MS4A12: variants seen among roughly 807,000 people sequenced by gnomAD.
MS4A12 encodes membrane-spanning 4-domains subfamily A member 12.
A neutral mutation model predicts 23.7 loss-of-function variants in MS4A12; 28 were observed. The ratio of observed to expected loss-of-function variants is 1.18; its 90% CI spans 0.88 to 1.62. MS4A12 has a LOEUF of 1.62. Among genes scored for constraint, MS4A12 ranks in the 40% most tolerant of loss-of-function variants. The pLI is 0.00. For synonymous variants in MS4A12, 108 were observed against 110.1 expected, an observed-to-expected ratio of 0.98 and a Z score of 0.12; for missense variants, 342 against 327.0, an observed-to-expected ratio of 1.05 and a Z score of -0.35.
chr11:60,495,840 G>A (rs1027564685), intron 1 of MS4A12, among the ~76,000 whole-genome samples: 2 of 152,096 alleles, frequency 1.3e-5, no homozygotes, highest in Admixed American at 6.5e-5. Flanking sequence ...AAGTTAATCC[G>A]GTTTATAAAC....
intron 4 of MS4A12, among the ~76,000 whole-genome samples, chr11:60,502,764 T>A (rs1183742764): frequency 6.6e-6 from 1 of 152,138 alleles, no homozygotes; most frequent in Non-Finnish European, 1.5e-5. Context: ...CTCATGCTCT[T>A]GCAGACAAAA....
intron 1 of MS4A12, among the ~76,000 whole-genome samples, chr11:60,495,350 T>C (rs766569614): frequency 2.6e-5 from 4 of 151,302 alleles, no homozygotes; most frequent in African/African-American, 4.9e-5. Flanking sequence ...TTCATTGAGT[T>C]TTCAACCATT....
chr11:60,496,931 C>T (rs1380598748), intron 1 of MS4A12, among the ~76,000 whole-genome samples: 4 of 152,132 alleles, frequency 2.6e-5, no homozygotes, highest in Non-Finnish European at 5.9e-5. Context: ...ACTATTCCAC[C>T]TCAGGTCATC....
intron 5 of MS4A12, among the ~76,000 whole-genome samples, chr11:60,506,023 C>G (rs969852213): frequency 5.9e-5 from 9 of 152,290 alleles, no homozygotes; most frequent in African/African-American, 1.7e-4. Flanking sequence ...CCTGCAACAG[C>G]TATATATGTT....
chr11:60,495,962 T>G lies in MS4A12; in HGVS notation c.-6-1351T>G, dbSNP rs144288651. On this transcript the variant is annotated intron_variant, in intron 1 of 6. Coordinates refer to ENST00000016913, the MANE Select transcript of MS4A12 (RefSeq NM_017716.3). ...GAAAACAAGCTGCAAATGTCCAGAG[T>G]GATGCTGCATGGAGGGGGATTCTGA... 2.4e-3 allele frequency among the ~76,000 whole-genome samples: 364 copies of G among 152,144 alleles called. 2 individuals are homozygous for G. The highest frequency in any genetic ancestry group is 8.6e-3 in the African/African-American group (356 of 41,494).
rs1258317633 is a variant in MS4A12, at chr11:60,501,074, C to T, written c.306C>T (p.His102=). The change falls in exon 3 of 7, where the codon CAC becomes CAT. Residue 102 remains histidine, a synonymous_variant. Coordinates refer to ENST00000016913, the MANE Select transcript of MS4A12 (RefSeq NM_017716.3). ...TCCAGATCATGGTTGGATTGATGCA[C>T]ATTGGTTTTGGAATTGTTTTGTGTT... ...GVIQIMVGLM[H]IGFGIVLCLI... is the part of the protein sequence containing the mutation. The T allele has an allele frequency of 5.0e-6, 8 of 1,610,998 alleles. No homozygotes were observed. The highest frequency in any genetic ancestry group is 4.4e-5 in the South Asian group (4 of 90,396).
At chr11:60,499,753 G>T (rs978663428) in intron 2 of MS4A12, among the ~76,000 whole-genome samples, 8 of 152,118 alleles carry the variant, frequency 5.3e-5, no homozygotes, top group Non-Finnish European at 1.2e-4. Context: ...AGTCTCCCTG[G>T]ATAGATAAGA....
chr11:60,501,841 A>G, intron 3 of MS4A12, 142 bp from the exon 4 acceptor site: 2 of 703,122 alleles, frequency 2.8e-6, no homozygotes, highest in Non-Finnish European at 5.0e-6. Context: ...ACTGAGAGTT[A>G]CTCCAGAAAA....
chr11:60,500,133 C>T (rs969731832), intron 2 of MS4A12, among the ~76,000 whole-genome samples: 1 of 150,688 alleles, frequency 6.6e-6, no homozygotes. Flanking sequence ...CCTAGCTACT[C>T]GGGAGGGTGA....
intron 5 of MS4A12, 137 bp from the exon 6 acceptor site, chr11:60,506,591 A>T: frequency 1.6e-6 from 1 of 632,902 alleles, no homozygotes; most frequent in Non-Finnish European, 2.8e-6. Context: ...TGGAACAAGC[A>T]TTTGATGATA....
intron 1 of MS4A12, among the ~76,000 whole-genome samples, chr11:60,496,970 A>G (rs1007584645): frequency 1.3e-5 from 2 of 152,342 alleles, no homozygotes; most frequent in Non-Finnish European, 2.9e-5. Flanking sequence ...AGGAGCATGC[A>G]ACCTAGATCC....
intron 2 of MS4A12, chr11:60,497,836 A>T: frequency 2.1e-6 from 1 of 473,104 alleles, no homozygotes; most frequent in Non-Finnish European, 3.7e-6. Flanking sequence ...TATTGACGTG[A>T]CAGAAGCACT....
intron 2 of MS4A12, among the ~76,000 whole-genome samples, chr11:60,500,366 T>G (rs544475314): frequency 3.7e-4 from 56 of 152,016 alleles, no homozygotes; most frequent in Non-Finnish European, 6.3e-4. Flanking sequence ...ATTAATTTGG[T>G]GTAATCAAGA....
intron 2 of MS4A12, among the ~76,000 whole-genome samples, chr11:60,498,387 G>A (rs1271755064): frequency 2.0e-5 from 3 of 152,190 alleles, no homozygotes; most frequent in Admixed American, 2.0e-4. Flanking sequence ...AAGTTGTGAT[G>A]TTTTAGGGAA....
intron 2 of MS4A12, among the ~76,000 whole-genome samples, chr11:60,498,784 T>C (rs1025493832): frequency 1.2e-4 from 18 of 152,258 alleles, no homozygotes; most frequent in Middle Eastern, 6.8e-3. Context: ...AACATGACAT[T>C]TGAGCAAAAA....
intron 1 of MS4A12, 65 bp downstream of exon 1, chr11:60,492,893 T>A (rs536841760): frequency 6.6e-6 from 1 of 152,190 alleles, no homozygotes; most frequent in Non-Finnish European, 1.5e-5. Flanking sequence ...CTGTGGCTGG[T>A]CTACCTGTGT....
At position 60,506,743 on chromosome 11, in the gene MS4A12, A is replaced by G; in HGVS notation, c.604A>G (p.Ile202Val). The G allele has an allele frequency of 6.2e-7, 1 of 1,614,064 alleles. No homozygotes were observed. Among genetic ancestry groups the G allele is most frequent in the Non-Finnish European group, 8.5e-7 (1 of 1,179,956 alleles). ...ATGATTTCAGCTTTCTGGAAAAGGC[A>G]TTTCAGCCACGCTGATGATCTTCTC... ...DYWAVLSGKGISATLMIFSLL... is the reference protein window; with the variant it reads ...DYWAVLSGKGVSATLMIFSLL... The change falls in exon 6 of 7, where the codon ATT becomes GTT. Residue 202 changes from isoleucine to valine, a missense_variant. Transcript: ENST00000016913.
At chr11:60,503,416 T>C (rs1361082656) in intron 4 of MS4A12, among the ~76,000 whole-genome samples, 2 of 152,108 alleles carry the variant, frequency 1.3e-5, no homozygotes, top group African/African-American at 4.8e-5. Context: ...ATAAAGAAAA[T>C]ATAGTTGTTA....
rs374195006 is a variant in MS4A12 at position 60,503,770 on chromosome 11, G to A, written c.541G>A (p.Val181Met). 125 of 1,613,812 alleles carry A rather than the reference G, an allele frequency of 7.7e-5. No individual in the cohort carries two copies. The highest frequency in any genetic ancestry group is 3.3e-4 in the South Asian group (30 of 91,062). ...LAFIGVILLL[V>M]DMCINGVAGQ... The stretch of plus-strand genomic sequence containing the variant: ...CTTCATTGGAGTGATTCTGCTGCTG[G>A]TGGATATGTGCATCAATGGGGTAGC... Residue 181 changes from valine (V) to methionine (M), a missense_variant, in exon 5 of 7, where the codon GTG (valine) becomes ATG (methionine). By Grantham distance (21) the Val-to-Met change is conservative. Transcript: ENST00000016913.
Sources: gnomAD v4.1 joint callset for allele counts (sites outside exome capture counted in the v4.1 genomes callset) on GRCh38, gnomAD v4.1.1 for gene constraint, MANE v1.5 for transcripts, NCBI Gene and HGNC (gene_info 2026-07-23, HGNC 2026-07-21) for gene names.